Variants in MTBP observed in about 807,000 individuals in gnomAD.
MTBP encodes the protein mdm2-binding protein.
MTBP carries 101 observed loss-of-function variants against 117.0 expected under a neutral mutation model. The ratio of observed to expected loss-of-function variants is 0.86; its 90% CI spans 0.73 to 1.02. The LOEUF is 1.02. MTBP is among the 50% of genes least tolerant of loss of function. MTBP has a pLI of 0.00. For synonymous variants in MTBP, 350 were observed against 351.5 expected (o/e 1.00, Z 0.05); for missense variants, 970 against 1,030.9 (o/e 0.94, Z 0.81).
chr8:120,513,439 T>C (rs1814854282), intron 17 of MTBP, among the ~76,000 whole-genome samples: 2 of 152,056 alleles, frequency 1.3e-5, no homozygotes, highest in African/African-American at 4.8e-5. Context: ...TTCACTAATA[T>C]CAAATATACA....
intron 11 of MTBP, 60 bp from the exon 12 acceptor site, chr8:120,488,099 G>A (rs1300382978): frequency 5.8e-6 from 8 of 1,370,888 alleles, no homozygotes; most frequent in East Asian, 2.6e-5. Flanking sequence ...CAAATGTATG[G>A]TTCTGTTGTG....
intron 10 of MTBP, among the ~76,000 whole-genome samples, chr8:120,468,565 T>A (rs1586946711): frequency 6.6e-6 from 1 of 152,132 alleles, no homozygotes; most frequent in Non-Finnish European, 1.5e-5. Flanking sequence ...AGAGGTCAGG[T>A]GAATATGATG....
intron 11 of MTBP, among the ~76,000 whole-genome samples, chr8:120,485,136 G>T (rs941063253): frequency 1.3e-5 from 2 of 152,100 alleles, no homozygotes; most frequent in Non-Finnish European, 2.9e-5. Context: ...AAAGGTACAG[G>T]CTTAAAATTA....
intron 6 of MTBP, among the ~76,000 whole-genome samples, chr8:120,456,150 A>G (rs570962986): frequency 1.3e-5 from 2 of 152,250 alleles, no homozygotes; most frequent in African/African-American, 4.8e-5. Flanking sequence ...AGGAATGCTA[A>G]CAGTCAAGAA....
intron 13 of MTBP, 27 bp downstream of exon 13, chr8:120,490,597 C>T: frequency 4.2e-6 from 6 of 1,445,382 alleles, no homozygotes; most frequent in Non-Finnish European, 5.7e-6. Context: ...GTATTTTATC[C>T]TACCCTAAAA....
At position 120,521,374 on chromosome 8, in the gene MTBP, T is replaced by C. The variant is rs139859310; in HGVS notation, c.2611-1280T>C. On this transcript the variant is annotated intron_variant, in intron 20 of 21. Coordinates refer to ENST00000305949, the MANE Select transcript of MTBP (RefSeq NM_022045.5). ...ATTGAAAGTATTTACATAGATACAATAGTGTAAACACTGCCTATTTACAAT... is the reference window on the plus strand; with the variant it reads ...ATTGAAAGTATTTACATAGATACAACAGTGTAAACACTGCCTATTTACAAT... Among the ~76,000 whole-genome samples the C allele has an allele frequency of 1.3e-3, 201 of 152,286 alleles. 1 individual carries two copies. Among genetic ancestry groups the C allele is most frequent in the African/African-American group, 4.4e-3 (182 of 41,570 alleles).
At chr8:120,522,764 T>C in intron 21 of MTBP, 45 bp downstream of exon 21, 2 of 1,472,158 alleles carry the variant, frequency 1.4e-6, no homozygotes, top group Non-Finnish European at 1.9e-6. Flanking sequence ...TAAATTGGTA[T>C]TTTATTTCAG....
chr8:120,498,669 G>A (rs892564805), intron 14 of MTBP, among the ~76,000 whole-genome samples: 11 of 152,302 alleles, frequency 7.2e-5, no homozygotes, highest in African/African-American at 2.6e-4. Flanking sequence ...ATTTTGAGGA[G>A]AGAACTACAA....
chr8:120,505,294 G>T (rs567114289), intron 15 of MTBP, among the ~76,000 whole-genome samples: 4 of 152,224 alleles, frequency 2.6e-5, no homozygotes, highest in East Asian at 3.9e-4. Flanking sequence ...ATACTTTAGG[G>T]TATCAGCAGG....
At chr8:120,476,124 A>G (rs971810473) in intron 11 of MTBP, among the ~76,000 whole-genome samples, 3 of 152,032 alleles carry the variant, frequency 2.0e-5, no homozygotes, top group African/African-American at 7.2e-5. Flanking sequence ...GCCATGCATG[A>G]TTTCTTTTGT....
intron 11 of MTBP, among the ~76,000 whole-genome samples, chr8:120,482,885 G>T (rs867741851): frequency 1.3e-5 from 2 of 151,964 alleles, no homozygotes; most frequent in African/African-American, 4.8e-5. Flanking sequence ...ATTTTTAGTA[G>T]AGATGGGGTT....
At chr8:120,478,343 T>C (rs1813993302) in intron 11 of MTBP, among the ~76,000 whole-genome samples, 1 of 152,058 alleles carries the variant, frequency 6.6e-6, no homozygotes, top group East Asian at 1.9e-4. Context: ...GGCACATGTA[T>C]GCCTATGTAA....
chr8:120,480,678 A>T (rs1346289832), intron 11 of MTBP, among the ~76,000 whole-genome samples: 2 of 152,142 alleles, frequency 1.3e-5, no homozygotes, highest in Admixed American at 6.5e-5. Flanking sequence ...ATGCATATGT[A>T]AAAATTATGT....
intron 13 of MTBP, among the ~76,000 whole-genome samples, chr8:120,493,504 T>C (rs10090842): frequency 0.53 from 80,263 of 151,580 alleles, 24,558 homozygotes; most frequent in Non-Finnish European, 0.67. Flanking sequence ...AATTTTTTTT[T>C]TTTTGAGACA....
intron 2 of MTBP, among the ~76,000 whole-genome samples, chr8:120,449,325 T>C (rs1234992053): frequency 6.6e-6 from 1 of 152,078 alleles, no homozygotes; most frequent in Non-Finnish European, 1.5e-5. Flanking sequence ...TTGGAGGGAA[T>C]ATGACGTGTT....
Position 120,522,693 on chromosome 8 carries a change from A to G in MTBP, c.2650A>G (p.Lys884Glu). The change falls in exon 21 of 22, where the codon AAA becomes GAA. Residue 884 changes from lysine (K) to glutamate (E), a missense_variant. Lys to Glu is a moderately conservative substitution (Grantham distance 56, BLOSUM62 1). Coordinates refer to ENST00000305949, the MANE Select transcript of MTBP (RefSeq NM_022045.5). ...TSRGLFEEMK[K>E]TANNNAVQVI... ...AAGGGGTCTATTTGAAGAAATGAAG[A>G]AAACAGCAAACAACAATGCTGTACA... 1 of 1,606,900 alleles carries G rather than the reference A, an allele frequency of 6.2e-7. No homozygotes were observed. The highest frequency in any genetic ancestry group is 1.3e-5 in the African/African-American group (1 of 74,790).
chr8:120,504,135 A>G (rs1349532163), intron 15 of MTBP, among the ~76,000 whole-genome samples: 1 of 152,192 alleles, frequency 6.6e-6, no homozygotes, highest in East Asian at 1.9e-4. Flanking sequence ...TGAGGCAAAA[A>G]GAAATGGAGG....
At chr8:120,503,850 G>A (rs1298117038) in intron 15 of MTBP, among the ~76,000 whole-genome samples, 2 of 152,104 alleles carry the variant, frequency 1.3e-5, no homozygotes, top group Admixed American at 6.6e-5. Flanking sequence ...TGCATTAGAT[G>A]TGGAATAGAG....
At chr8:120,496,676 T>C (rs1236271716) in intron 13 of MTBP, among the ~76,000 whole-genome samples, 2 of 147,810 alleles carry the variant, frequency 1.4e-5, no homozygotes, top group South Asian at 2.2e-4. Context: ...CCAGCCTCAA[T>C]ACTATCTTTT....
Sources: gnomAD v4.1 joint callset for allele counts (sites outside exome capture counted in the v4.1 genomes callset) on GRCh38, gnomAD v4.1.1 for gene constraint, MANE v1.5 for transcripts, NCBI Gene and HGNC (gene_info 2026-07-23, HGNC 2026-07-21) for gene names.